DPF3: variants seen among roughly 807,000 people sequenced by gnomAD.
DPF3 encodes the protein double PHD fingers 3.
DPF3 carries 18 observed loss-of-function variants against 56.8 expected under a neutral mutation model. The ratio of observed to expected loss-of-function variants is 0.32; its 90% confidence interval spans 0.22 to 0.47. The LOEUF (loss-of-function observed/expected upper bound fraction) is 0.47, where lower values mean the gene tolerates loss of function less well. Ranked by LOEUF, DPF3 falls within the 20% of genes least tolerant of loss-of-function variation. The pLI, the probability that DPF3 is intolerant of heterozygous loss-of-function variation, is 1.00. For synonymous variants in DPF3, 188 were observed against 180.2 expected (o/e 1.04, Z -0.35); for missense variants, 403 against 488.8 (o/e 0.82, Z 1.65).
At chr14:72,626,835 A>C (rs1884861309) in intron 9 of DPF3, among the ~76,000 whole-genome samples, 1 of 152,112 alleles carries the variant, frequency 6.6e-6, no homozygotes, top group African/African-American at 2.4e-5. Flanking sequence ...CTTCATCAAC[A>C]GGATATATTG....
chr14:72,626,600 G>A (rs550103199), intron 9 of DPF3, among the ~76,000 whole-genome samples: 41 of 152,168 alleles, frequency 2.7e-4, no homozygotes, highest in African/African-American at 9.2e-4. Context: ...TGGATATTTA[G>A]GTTGTTTCCA....
At chr14:72,816,166 A>G (rs748028387) in intron 1 of DPF3, among the ~76,000 whole-genome samples, 3 of 152,178 alleles carry the variant, frequency 2.0e-5, no homozygotes, top group Non-Finnish European at 4.4e-5. Flanking sequence ...ACCTTGTCTC[A>G]GAGCCCTGCA....
intron 2 of DPF3, among the ~76,000 whole-genome samples, chr14:72,757,635 T>G (rs1890891828): frequency 6.6e-6 from 1 of 152,056 alleles, no homozygotes; most frequent in African/African-American, 2.4e-5. Flanking sequence ...TAAAATACAA[T>G]TTAAAAAAAT....
intron 1 of DPF3, among the ~76,000 whole-genome samples, chr14:72,887,168 C>CAT (rs751724232): frequency 0.023 from 2,848 of 122,920 alleles, 39 homozygotes; most frequent in Non-Finnish European, 0.035. Context: ...CACACACACA[C>CAT]ACACACACAC....
intron 1 of DPF3, among the ~76,000 whole-genome samples, chr14:72,874,541 A>G (rs1360477397): frequency 6.6e-6 from 1 of 152,148 alleles, no homozygotes; most frequent in Non-Finnish European, 1.5e-5. Context: ...ATCTCTCTCA[A>G]GTTCAAAGTT....
chr14:72,871,144 C>A (rs1438445998), intron 1 of DPF3, among the ~76,000 whole-genome samples: 4 of 152,156 alleles, frequency 2.6e-5, no homozygotes, highest in Admixed American at 2.6e-4. Flanking sequence ...AGACCAGCCC[C>A]CATGATTCGA....
At chr14:72,839,510 T>C (rs936468934) in intron 1 of DPF3, among the ~76,000 whole-genome samples, 1 of 152,132 alleles carries the variant, frequency 6.6e-6, no homozygotes, top group Admixed American at 6.5e-5. Context: ...GTGAAAGACC[T>C]AAGCACTGAC....
chr14:72,893,021 A>AAGGAAGGAAGGAAGGCAGGCAGGCAGGC (rs1567273912), intron 1 of DPF3, among the ~76,000 whole-genome samples: 1 of 135,454 alleles, frequency 7.4e-6, no homozygotes, highest in Non-Finnish European at 1.7e-5. Flanking sequence ...GGAAGGAAGG[A>AAGGAAGGAAGGAAGGCAGGCAGGCAGGC]AGGATGAAAA....
chr14:72,861,535 AACTTAT>A (rs984578786), intron 1 of DPF3, among the ~76,000 whole-genome samples: 15 of 152,078 alleles, frequency 9.9e-5, no homozygotes, highest in Non-Finnish European at 1.3e-4. Flanking sequence ...TGCCAGAGAT[AACTTAT>A]ACACCTTGCT....
At chr14:72,757,118 G>A (rs1402625263) in intron 2 of DPF3, among the ~76,000 whole-genome samples, 1 of 132,304 alleles carries the variant, frequency 7.6e-6, no homozygotes, top group Non-Finnish European at 1.6e-5. Context: ...AGGGAGGGAG[G>A]GAGGGGAGAA....
At chr14:72,795,786 C>T (rs969956819) in intron 1 of DPF3, among the ~76,000 whole-genome samples, 1 of 152,192 alleles carries the variant, frequency 6.6e-6, no homozygotes, top group African/African-American at 2.4e-5. Flanking sequence ...CCTGTCAGGA[C>T]ATGGTCCAGA....
intron 2 of DPF3, among the ~76,000 whole-genome samples, chr14:72,763,323 A>G (rs1241189454): frequency 1.3e-5 from 2 of 152,102 alleles, no homozygotes; most frequent in African/African-American, 2.4e-5. Flanking sequence ...GAACAAATTT[A>G]GAGGGCTAAC....
chr14:72,841,630 G>A (rs992439524), intron 1 of DPF3, among the ~76,000 whole-genome samples: 5 of 151,978 alleles, frequency 3.3e-5, no homozygotes, highest in African/African-American at 4.8e-5. Context: ...TTTCCATTTC[G>A]AGTAGCAGTT....
At chr14:72,756,838 A>AAGAC (rs1890816943) in intron 2 of DPF3, among the ~76,000 whole-genome samples, 1 of 110,444 alleles carries the variant, frequency 9.1e-6, no homozygotes, top group Non-Finnish European at 1.9e-5. Context: ...GAAAGAAAGA[A>AAGAC]AGAAAGAAAG....
intron 1 of DPF3, among the ~76,000 whole-genome samples, chr14:72,880,525 A>C (rs769957526): frequency 5.9e-5 from 9 of 152,200 alleles, no homozygotes; most frequent in Non-Finnish European, 1.2e-4. Context: ...CTTTGCAGCC[A>C]AAGGTAGGCT....
intron 1 of DPF3, among the ~76,000 whole-genome samples, chr14:72,835,089 C>CT (rs560010850): frequency 2.0e-5 from 2 of 98,548 alleles, no homozygotes; most frequent in Non-Finnish European, 4.2e-5. Flanking sequence ...TGCAGAATTT[C>CT]TTTTTTCTTT....
intron 8 of DPF3, among the ~76,000 whole-genome samples, chr14:72,664,537 T>C (rs1252358672): frequency 6.6e-6 from 1 of 152,054 alleles, no homozygotes; most frequent in Non-Finnish European, 1.5e-5. Context: ...CATAGTTTTC[T>C]ACCCCTCCAC....
chr14:72,613,042 G>A lies in DPF3; in HGVS notation c.*6255C>T, dbSNP rs868488310. Among the ~76,000 whole-genome samples, 13 of 151,278 alleles carry A rather than the reference G, an allele frequency of 8.6e-5. No individual in the cohort carries two copies. Among genetic ancestry groups the A allele is most frequent in the Middle Eastern group, 3.4e-3 (1 of 294 alleles). On this transcript the variant is annotated 3_prime_UTR_variant, in exon 11 of 11. Coordinates refer to ENST00000556509, the MANE Select transcript of DPF3 (RefSeq NM_001280542.3). ...TGTGTGTGTGTGTGTATGTGCGTGC[G>A]TGCACGCACGCGCATGCACATGGGC...
chr14:72,863,088 A>ATGTGTGTGTG (rs1567261854), intron 1 of DPF3, among the ~76,000 whole-genome samples: 1 of 112,532 alleles, frequency 8.9e-6, no homozygotes, highest in African/African-American at 3.0e-5. Context: ...ATATATATAT[A>ATGTGTGTGTG]TATATATATA....
Sources: gnomAD v4.1 joint callset for allele counts (sites outside exome capture counted in the v4.1 genomes callset) on GRCh38, gnomAD v4.1.1 for gene constraint, MANE v1.5 for transcripts, NCBI Gene and HGNC (gene_info 2026-07-23, HGNC 2026-07-21) for gene names.